The following ATOSA variants were observed in gnomAD, a reference collection of about 807,000 sequenced individuals.
The protein encoded by ATOSA is atos homolog A.
At chr15:52,613,250 T>C in the ATOSA span, among the ~76,000 whole-genome samples, 2 of 152,124 alleles carry the variant, frequency 1.3e-5, no homozygotes, top group African/African-American at 4.8e-5. Flanking sequence ...CCTGTAGTCC[T>C]AGCTACTCAG....
chr15:52,621,395 C>T, the ATOSA span, among the ~76,000 whole-genome samples: 8,367 of 152,160 alleles, frequency 0.055, 342 homozygotes, highest in Non-Finnish European at 0.078. Flanking sequence ...TAAGTAACTC[C>T]TATTAACTGA....
the ATOSA span, among the ~76,000 whole-genome samples, chr15:52,632,342 A>G: frequency 2.6e-5 from 4 of 152,208 alleles, no homozygotes; most frequent in African/African-American, 9.6e-5. Context: ...ATACCATAAA[A>G]GTTAATTTTA....
chr15:52,704,826 A>G, the ATOSA span, among the ~76,000 whole-genome samples: 2 of 152,338 alleles, frequency 1.3e-5, no homozygotes, highest in South Asian at 4.1e-4. Context: ...GCCAGTTAGA[A>G]TGGCGATCAT....
the ATOSA span, among the ~76,000 whole-genome samples, chr15:52,642,118 ATCTG>A: frequency 6.6e-6 from 1 of 152,186 alleles, no homozygotes; most frequent in Non-Finnish European, 1.5e-5. Context: ...AAATTTGCCA[ATCTG>A]TTTAAATTCT....
the ATOSA span, among the ~76,000 whole-genome samples, chr15:52,694,120 G>A: frequency 6.6e-6 from 1 of 151,176 alleles, no homozygotes; most frequent in East Asian, 1.9e-4. Flanking sequence ...TCCCTCAGCT[G>A]AGTATGTGTG....
At chr15:52,684,621 T>G in the ATOSA span, among the ~76,000 whole-genome samples, 1 of 152,190 alleles carries the variant, frequency 6.6e-6, no homozygotes, top group Non-Finnish European at 1.5e-5. Flanking sequence ...TGAATCTAAT[T>G]TTTTTTACAC....
chr15:52,668,349 A>G, the ATOSA span, among the ~76,000 whole-genome samples: 1 of 152,234 alleles, frequency 6.6e-6, no homozygotes. Flanking sequence ...GAATCTTAAA[A>G]AAAAGCTGTT....
the ATOSA span, among the ~76,000 whole-genome samples, chr15:52,695,598 C>T: frequency 2.6e-5 from 4 of 152,190 alleles, no homozygotes; most frequent in Non-Finnish European, 4.4e-5. Context: ...ATCTTGTCCT[C>T]GTGCACCTAT....
the ATOSA span, among the ~76,000 whole-genome samples, chr15:52,691,040 G>T: frequency 7.9e-5 from 12 of 152,114 alleles, no homozygotes; most frequent in Non-Finnish European, 1.3e-4. Flanking sequence ...GTCTTTCCCA[G>T]TAGAGATAAG....
chr15:52,648,402 T>A, the ATOSA span, among the ~76,000 whole-genome samples: 1 of 152,184 alleles, frequency 6.6e-6, no homozygotes, highest in African/African-American at 2.4e-5. Flanking sequence ...ATGTATATGA[T>A]GTGTAATGAT....
At chr15:52,582,094 A>C in the ATOSA span, 2 of 1,361,254 alleles carry the variant, frequency 1.5e-6, no homozygotes, top group Admixed American at 3.0e-5. Flanking sequence ...ACTCCATTCT[A>C]TGCTAATTTT....
chr15:52,626,313 T>C, the ATOSA span, among the ~76,000 whole-genome samples: 1 of 152,190 alleles, frequency 6.6e-6, no homozygotes, highest in South Asian at 2.1e-4. Flanking sequence ...GTCTAGATCA[T>C]GTGGTTCCAG....
At chr15:52,636,334 A>T in the ATOSA span, among the ~76,000 whole-genome samples, 1 of 152,018 alleles carries the variant, frequency 6.6e-6, no homozygotes, top group Non-Finnish European at 1.5e-5. Flanking sequence ...CTCTGAAATG[A>T]GGTTACCAAG....
chr15:52,608,898 A>G, the ATOSA span: 1 of 1,608,752 alleles, frequency 6.2e-7, no homozygotes, highest in Non-Finnish European at 8.5e-7. Flanking sequence ...CAGACTGAAG[A>G]TTGCCAAAGA....
chr15:52,652,174 C>T, the ATOSA span: 2 of 861,058 alleles, frequency 2.3e-6, no homozygotes, highest in Non-Finnish European at 1.6e-6. Context: ...GCAGCACTGT[C>T]ATGTTTTCTT....
At chr15:52,638,999 T>A in the ATOSA span, among the ~76,000 whole-genome samples, 1 of 150,742 alleles carries the variant, frequency 6.6e-6, no homozygotes, top group Non-Finnish European at 1.5e-5. Context: ...AGAAAAAAAA[T>A]TACTGGAGAA....
the ATOSA span, among the ~76,000 whole-genome samples, chr15:52,642,460 A>C: frequency 6.6e-6 from 1 of 152,200 alleles, no homozygotes; most frequent in Non-Finnish European, 1.5e-5. Context: ...AATTCTACTT[A>C]AGCCAAATTT....
the ATOSA span, among the ~76,000 whole-genome samples, chr15:52,640,726 A>C: frequency 6.6e-6 from 1 of 152,048 alleles, no homozygotes; most frequent in Non-Finnish European, 1.5e-5. Flanking sequence ...CTAGATCTGA[A>C]AACAAAGTGA....
the ATOSA span, among the ~76,000 whole-genome samples, chr15:52,598,216 T>TA: frequency 2.4e-4 from 37 of 152,226 alleles, no homozygotes; most frequent in East Asian, 2.3e-3. Flanking sequence ...CTGATGAGCT[T>TA]AAAAAAATCA....
Sources: allele counts gnomAD v4.1 joint callset (sites outside exome capture counted in the v4.1 genomes callset), GRCh38; gene constraint gnomAD v4.1.1; transcripts MANE v1.5; gene names NCBI Gene and HGNC (gene_info 2026-07-23, HGNC 2026-07-21).